Variants in ADGRB3 observed in about 807,000 individuals in gnomAD.
ADGRB3 encodes the protein brain-specific angiogenesis inhibitor 3.
ADGRB3 carries 37 observed loss-of-function variants against 193.4 expected under a neutral mutation model. That is an observed-to-expected ratio of 0.19 (90% confidence interval 0.15 to 0.25). The LOEUF is 0.25. Ranked by LOEUF, ADGRB3 falls within the 10% of genes least tolerant of loss-of-function variation. The probability of loss-of-function intolerance (pLI) is 1.00; values close to 1 mark genes in which losing one functional copy is unlikely to be tolerated. For missense variants in ADGRB3, 1,637 were observed against 1,852.9 expected (o/e 0.88, Z 2.14); for synonymous variants, 690 against 644.2 (o/e 1.07, Z -1.08).
chr6:68,958,469 C>A (rs913533237), intron 8 of ADGRB3, among the ~76,000 whole-genome samples: 14 of 152,086 alleles, frequency 9.2e-5, no homozygotes, highest in African/African-American at 3.4e-4. Context: ...GGGCATACCA[C>A]AGTTCTTAAC....
At chr6:69,326,364 T>G (rs969663526) in intron 21 of ADGRB3, among the ~76,000 whole-genome samples, 1 of 152,212 alleles carries the variant, frequency 6.6e-6, no homozygotes, top group Non-Finnish European at 1.5e-5. Flanking sequence ...ACTTTTGCCA[T>G]GAATTAGTAC....
intron 3 of ADGRB3, among the ~76,000 whole-genome samples, chr6:68,671,714 TTTTTG>T (rs1257481615): frequency 6.6e-6 from 1 of 151,928 alleles, no homozygotes; most frequent in African/African-American, 2.4e-5. Context: ...GGCCTGTAGG[TTTTTG>T]TTTTGTTTTG....
chr6:69,352,843 A>G (rs543556606), intron 26 of ADGRB3, among the ~76,000 whole-genome samples: 3 of 152,344 alleles, frequency 2.0e-5, no homozygotes, highest in Admixed American at 2.0e-4. Flanking sequence ...GTGACAAGAG[A>G]TCTTATATCA....
At chr6:68,725,911 G>A (rs944100018) in intron 3 of ADGRB3, among the ~76,000 whole-genome samples, 1 of 151,546 alleles carries the variant, frequency 6.6e-6, no homozygotes, top group African/African-American at 2.4e-5. Context: ...CCAAGGGATT[G>A]TTGTCTTGGT....
At chr6:68,676,286 G>T (rs1769083810) in intron 3 of ADGRB3, among the ~76,000 whole-genome samples, 1 of 151,478 alleles carries the variant, frequency 6.6e-6, no homozygotes, top group Admixed American at 6.6e-5. Flanking sequence ...CGCTACTCAG[G>T]AGGCTAAGGC....
At chr6:68,749,005 A>C (rs917354045) in intron 3 of ADGRB3, among the ~76,000 whole-genome samples, 1 of 152,142 alleles carries the variant, frequency 6.6e-6, no homozygotes, top group Non-Finnish European at 1.5e-5. Context: ...CCTTTCAGCC[A>C]TGGCTGGAGA....
chr6:68,657,307 G>C (rs1768512677), intron 3 of ADGRB3, among the ~76,000 whole-genome samples: 1 of 151,338 alleles, frequency 6.6e-6, no homozygotes, highest in Admixed American at 6.6e-5. Context: ...TTCTGTAGGG[G>C]GCAAAGGCTA....
At chr6:68,782,469 A>C (rs1472164587) in intron 3 of ADGRB3, among the ~76,000 whole-genome samples, 1 of 152,030 alleles carries the variant, frequency 6.6e-6, no homozygotes, top group Non-Finnish European at 1.5e-5. Context: ...ATGATTTATA[A>C]TCCTTTGTGT....
intron 3 of ADGRB3, among the ~76,000 whole-genome samples, chr6:68,752,275 C>CT (rs66760335): frequency 0.22 from 28,110 of 129,256 alleles, 3,490 homozygotes; most frequent in Middle Eastern, 0.42. Context: ...GCAGAATATT[C>CT]TTTTTTTTTT....
At chr6:68,697,618 T>C (rs977429229) in intron 3 of ADGRB3, among the ~76,000 whole-genome samples, 1 of 151,964 alleles carries the variant, frequency 6.6e-6, no homozygotes, top group Non-Finnish European at 1.5e-5. Context: ...CTAGAAATCA[T>C]CCTCAGACTT....
chr6:68,701,198 C>T (rs1207107605), intron 3 of ADGRB3, among the ~76,000 whole-genome samples: 1 of 152,080 alleles, frequency 6.6e-6, no homozygotes, highest in Non-Finnish European at 1.5e-5. Flanking sequence ...AGCAAGAAAA[C>T]GGCTTCTGAC....
At chr6:68,751,894 G>A (rs7747314) in intron 3 of ADGRB3, among the ~76,000 whole-genome samples, 114,183 of 151,588 alleles carry the variant, frequency 0.75, 43,240 homozygotes, top group Middle Eastern at 0.91. Flanking sequence ...TCTGTGTAAT[G>A]TAATGTGCCC....
intron 30 of ADGRB3, among the ~76,000 whole-genome samples, chr6:69,379,459 C>T (rs1769899361): frequency 6.6e-6 from 1 of 151,910 alleles, no homozygotes; most frequent in Admixed American, 6.6e-5. Flanking sequence ...AGCATCAGTG[C>T]TACAAATAAA....
At chr6:69,052,647 A>G (rs1291677335) in intron 15 of ADGRB3, among the ~76,000 whole-genome samples, 1 of 152,234 alleles carries the variant, frequency 6.6e-6, no homozygotes, top group Non-Finnish European at 1.5e-5. Context: ...AGACAAAAAT[A>G]ATTTTGCATG....
intron 20 of ADGRB3, among the ~76,000 whole-genome samples, chr6:69,240,194 C>G (rs1766355062): frequency 6.6e-6 from 1 of 151,944 alleles, no homozygotes; most frequent in African/African-American, 2.4e-5. Flanking sequence ...TGATTTCCAC[C>G]AAAAGAGCCC....
At chr6:69,055,879 G>T (rs1272892671) in intron 15 of ADGRB3, among the ~76,000 whole-genome samples, 1 of 152,048 alleles carries the variant, frequency 6.6e-6, no homozygotes, top group Non-Finnish European at 1.5e-5. Context: ...GCACAGGCTA[G>T]AGTGCAGTGG....
intron 3 of ADGRB3, among the ~76,000 whole-genome samples, chr6:68,901,599 A>G (rs1338957850): frequency 6.6e-6 from 1 of 152,232 alleles, no homozygotes; most frequent in Non-Finnish European, 1.5e-5. Flanking sequence ...CAATTAAAAT[A>G]TTTCTTTTGT....
At chr6:69,026,381 C>G (rs1184622099) in intron 13 of ADGRB3, among the ~76,000 whole-genome samples, 1 of 151,976 alleles carries the variant, frequency 6.6e-6, no homozygotes, top group African/African-American at 2.4e-5. Context: ...ACACTTCAGA[C>G]AGAAGAAACA....
At chr6:68,656,898 A>C (rs1260122809) in intron 3 of ADGRB3, among the ~76,000 whole-genome samples, 1 of 151,546 alleles carries the variant, frequency 6.6e-6, no homozygotes, top group Non-Finnish European at 1.5e-5. Flanking sequence ...CTTTCTTAAT[A>C]TAGTCTGTAC....
Sources: gnomAD v4.1 joint callset for allele counts (sites outside exome capture counted in the v4.1 genomes callset) on GRCh38, gnomAD v4.1.1 for gene constraint, MANE v1.5 for transcripts, NCBI Gene and HGNC (gene_info 2026-07-23, HGNC 2026-07-21) for gene names.